CLEC16A: variants seen among roughly 807,000 people sequenced by gnomAD.
CLEC16A encodes protein CLEC16A.
In CLEC16A, 51 loss-of-function variants were observed where a neutral mutation model predicts 109.5. That is an observed-to-expected ratio of 0.47 (90% CI 0.37 to 0.59). The LOEUF (loss-of-function observed/expected upper bound fraction) is 0.59. Among genes scored for constraint, CLEC16A ranks in the 20% least tolerant of loss-of-function variants. CLEC16A has a pLI of 0.00. For synonymous variants in CLEC16A, 673 were observed against 564.2 expected (o/e 1.19, Z -2.73); for missense variants, 1,339 against 1,394.0 (o/e 0.96, Z 0.63).
intron 19 of CLEC16A, among the ~76,000 whole-genome samples, chr16:11,114,157 G>GTA (rs1280656255): frequency 1.3e-5 from 2 of 151,106 alleles, no homozygotes; most frequent in African/African-American, 4.9e-5. Context: ...GTGTGTGTGT[G>GTA]TGTGTGTGTG....
chr16:11,027,499 A>C, intron 13 of CLEC16A: 35 of 1,585,272 alleles, frequency 2.2e-5, no homozygotes, highest in Non-Finnish European at 2.9e-5. Context: ...GGACAAGCCA[A>C]GGTCAAGAGT....
At chr16:11,157,128 G>A (rs1368376321) in intron 22 of CLEC16A, 5 of 1,298,142 alleles carry the variant, frequency 3.9e-6, no homozygotes, top group Non-Finnish European at 5.1e-6. Flanking sequence ...TGGATAAAGA[G>A]CTATAGGCTA....
At chr16:11,160,443 CATGGGAA>C (rs1330580919) in intron 22 of CLEC16A, among the ~76,000 whole-genome samples, 1 of 152,178 alleles carries the variant, frequency 6.6e-6, no homozygotes, top group East Asian at 1.9e-4. Context: ...ACTTGCACCA[CATGGGAA>C]AGAGTTGACC....
At chr16:11,111,337 C>T (rs1469507836) in intron 19 of CLEC16A, among the ~76,000 whole-genome samples, 1 of 152,118 alleles carries the variant, frequency 6.6e-6, no homozygotes, top group Non-Finnish European at 1.5e-5. Flanking sequence ...TGGCTGTGGG[C>T]CTGGACCTTG....
rs538713695 is a variant in CLEC16A, at chr16:11,106,456, A to ATTT, written c.2117-14140_2117-14138dup. Among the ~76,000 whole-genome samples the ATTT allele has an allele frequency of 1.5e-3, 204 of 133,518 alleles. 9 individuals carry two copies. The highest frequency in any genetic ancestry group is 2.4e-3 in the African/African-American group (83 of 34,756). 87.6% of individuals were successfully genotyped at this position (133,518 alleles called of 152,430 possible). A position where few individuals can be genotyped will look rare whatever the true frequency, so the allele number is the denominator to read the frequency against. On this transcript the variant is annotated intron_variant, in intron 19 of 23. Coordinates refer to ENST00000409790, the MANE Select transcript of CLEC16A (RefSeq NM_015226.3). Reference sequence around the variant, plus strand: ...GGTGTGAGCCACCACACCCAGCCCAATTTTTTTTTTTTTTTTTTTTTAGAT... The same window carrying ATTT: ...GGTGTGAGCCACCACACCCAGCCCAATTTTTTTTTTTTTTTTTTTTTTTTAGAT...
chr16:11,060,915 T>A lies in CLEC16A; in HGVS notation c.2009T>A (p.Phe670Tyr). 1 of 1,611,482 alleles carries A rather than the reference T, an allele frequency of 6.2e-7. No individual in the cohort carries two copies. The highest frequency in any genetic ancestry group is 8.5e-7 in the Non-Finnish European group (1 of 1,178,758). The change falls in exon 19 of 24, where the codon TTC (phenylalanine) becomes TAC (tyrosine). Residue 670 changes from phenylalanine to tyrosine, a missense_variant. Around this residue, in one of 3 missense-constraint regions of CLEC16A, gnomAD observed 1,061 missense variants for 1,006.8 expected, o/e 1.05. Transcript: ENST00000409790. The stretch of plus-strand genomic sequence containing the variant: ...CTGTTGGTCCAGGCCATCCGGGTGT[T>A]CTTCATGCTGCGTTCCCTGTCACTG... ...VEKTRRAIRV[F>Y]FMLRSLSLQL...
intron 19 of CLEC16A, among the ~76,000 whole-genome samples, chr16:11,065,258 G>T (rs143445745): frequency 6.6e-6 from 1 of 152,176 alleles, no homozygotes; most frequent in Non-Finnish European, 1.5e-5. Context: ...CAATAGGGGA[G>T]AAATCTGTCC....
At chr16:10,962,707 C>A in intron 3 of CLEC16A, 119 bp downstream of exon 3, 1 of 1,070,010 alleles carries the variant, frequency 9.3e-7, no homozygotes, top group Non-Finnish European at 1.4e-6. Flanking sequence ...TAACAAAATA[C>A]CATAGACTGA....
At chr16:11,121,501 C>A (rs983220969) in intron 20 of CLEC16A, among the ~76,000 whole-genome samples, 1 of 152,152 alleles carries the variant, frequency 6.6e-6, no homozygotes, top group Non-Finnish European at 1.5e-5. Flanking sequence ...CAACGTCACC[C>A]CAGCAGAGCT....
At chr16:11,045,679 C>T (rs993482908) in intron 16 of CLEC16A, among the ~76,000 whole-genome samples, 7 of 152,130 alleles carry the variant, frequency 4.6e-5, no homozygotes, top group African/African-American at 1.7e-4. Context: ...TGCTGGCCTC[C>T]GGATCAGGTC....
At chr16:11,168,911 G>A (rs2068387054) in intron 23 of CLEC16A, among the ~76,000 whole-genome samples, 1 of 152,248 alleles carries the variant, frequency 6.6e-6, no homozygotes, top group African/African-American at 2.4e-5. Flanking sequence ...TTCTGATGAG[G>A]GAAGGTCACC....
chr16:10,964,475 A>G (rs571297324), intron 3 of CLEC16A, among the ~76,000 whole-genome samples: 2 of 152,220 alleles, frequency 1.3e-5, no homozygotes, highest in Non-Finnish European at 2.9e-5. Flanking sequence ...CTGTTTGTGC[A>G]TCTGTCAAGA....
chr16:11,011,991 C>T (rs138556675), intron 11 of CLEC16A, among the ~76,000 whole-genome samples: 8 of 152,220 alleles, frequency 5.3e-5, no homozygotes, highest in East Asian at 1.9e-4. Flanking sequence ...GCTTAAAAAA[C>T]AGTTCAGGAT....
Position 11,174,170 on chromosome 16 carries a change from A to AGGACGCCGACGAGTGTTCAGCCTGTC in CLEC16A, c.2807-4161_2807-4136dup, listed in dbSNP as rs1271039453. On this transcript the variant is annotated intron_variant, in intron 23 of 23. Coordinates refer to ENST00000409790, the MANE Select transcript of CLEC16A (RefSeq NM_015226.3). This position sits in a 1 kb window ranked among gnomAD's most constrained non-coding sequence, Gnocchi z 4.7. ...TCCCTCTAGTCAGGAGTGGCAGGAA[A>AGGACGCCGACGAGTGTTCAGCCTGTC]GGACGCCGACGAGTGTTCAGCCTGT... 2.1e-6 allele frequency: 1 copy of AGGACGCCGACGAGTGTTCAGCCTGTC among 470,078 alleles called. No individual in the cohort carries two copies. Among genetic ancestry groups the AGGACGCCGACGAGTGTTCAGCCTGTC allele is most frequent in the African/African-American group, 2.0e-5 (1 of 50,086 alleles). 29.1% of individuals were successfully genotyped at this position (470,078 alleles called of 1,614,324 possible).
chr16:11,155,703 C>A (rs1196019554), intron 22 of CLEC16A, among the ~76,000 whole-genome samples: 1 of 152,216 alleles, frequency 6.6e-6, no homozygotes, highest in Non-Finnish European at 1.5e-5. Flanking sequence ...CGTCATCAGC[C>A]ATCGGTCTGG....
At chr16:11,127,661 G>A (rs2052921739) in intron 22 of CLEC16A, among the ~76,000 whole-genome samples, 1 of 152,138 alleles carries the variant, frequency 6.6e-6, no homozygotes, top group Admixed American at 6.5e-5. Flanking sequence ...TTGAGCCCAG[G>A]AGTTTGAGAC....
At chr16:11,075,412 C>CTA (rs1555478929) in intron 19 of CLEC16A, among the ~76,000 whole-genome samples, 1 of 120,550 alleles carries the variant, frequency 8.3e-6, no homozygotes, top group African/African-American at 3.0e-5. Flanking sequence ...GTGTGTGTGT[C>CTA]TGTGTGTGTG....
At chr16:11,163,464 A>G (rs1182009789) in intron 22 of CLEC16A, among the ~76,000 whole-genome samples, 1 of 144,370 alleles carries the variant, frequency 6.9e-6, no homozygotes, top group African/African-American at 2.7e-5. Flanking sequence ...CTGCAAATGG[A>G]TGGGATCGGT....
At chr16:11,023,343 A>C (rs2046230748) in intron 12 of CLEC16A, among the ~76,000 whole-genome samples, 3 of 152,148 alleles carry the variant, frequency 2.0e-5, no homozygotes, top group African/African-American at 7.2e-5. Flanking sequence ...ATTATTCCCA[A>C]ATGAAAATAT....
Sources: allele counts gnomAD v4.1 joint callset (sites outside exome capture counted in the v4.1 genomes callset), GRCh38; gene constraint gnomAD v4.1.1; regional missense constraint gnomAD v4.1.1; non-coding constraint Gnocchi (gnomAD v3.1); transcripts MANE v1.5; gene names NCBI Gene and HGNC (gene_info 2026-07-23, HGNC 2026-07-21).